SH3BGRL2: variants seen among roughly 807,000 people sequenced by gnomAD.
SH3BGRL2 encodes the protein SH3 domain binding glutamate rich protein like 2, also known as SH3 domain-binding glutamic acid-rich-like protein 2.
In SH3BGRL2, 21 loss-of-function variants were observed where a neutral mutation model predicts 14.8. That is an observed-to-expected ratio of 1.42 (90% CI 1.01 to 2.05). The LOEUF (loss-of-function observed/expected upper bound fraction) is 2.05. Ranked by LOEUF, SH3BGRL2 falls within the 30% of genes most tolerant of loss-of-function variation. SH3BGRL2 has a pLI of 0.00. For missense variants in SH3BGRL2, 147 were observed against 130.8 expected (o/e 1.12, Z -0.61); for synonymous variants, 50 against 47.8 (o/e 1.05, Z -0.19).
the SH3BGRL2 span, among the ~76,000 whole-genome samples, chr6:79,621,582 C>G: frequency 6.6e-6 from 1 of 152,160 alleles, no homozygotes; most frequent in African/African-American, 2.4e-5. Flanking sequence ...CCAAGCTGAC[C>G]AAAACAGATG....
the SH3BGRL2 span, among the ~76,000 whole-genome samples, chr6:79,566,331 T>C: frequency 6.6e-6 from 1 of 152,184 alleles, no homozygotes; most frequent in South Asian, 2.1e-4. Flanking sequence ...CCTCAAGTTA[T>C]ACTCAAACAT....
At chr6:79,664,574 A>T (rs1391406222) in intron 1 of SH3BGRL2, among the ~76,000 whole-genome samples, 1 of 152,082 alleles carries the variant, frequency 6.6e-6, no homozygotes, top group Admixed American at 6.5e-5. Flanking sequence ...TGTCACTGTC[A>T]CTGTGTTCAG....
the SH3BGRL2 span, among the ~76,000 whole-genome samples, chr6:79,584,589 A>T: frequency 1.3e-5 from 2 of 152,118 alleles, no homozygotes; most frequent in Non-Finnish European, 2.9e-5. Flanking sequence ...GAGGAGAAAG[A>T]TGTGTAGGTC....
the SH3BGRL2 span, among the ~76,000 whole-genome samples, chr6:79,622,286 C>T: frequency 3.3e-5 from 5 of 152,278 alleles, no homozygotes; most frequent in East Asian, 9.7e-4. Context: ...CAGCACCTCC[C>T]CTCCACAACC....
At chr6:79,670,085 GTGAATGGGTGTTGC>G (rs2127732215) in intron 1 of SH3BGRL2, among the ~76,000 whole-genome samples, 1 of 152,366 alleles carries the variant, frequency 6.6e-6, no homozygotes, top group Admixed American at 6.5e-5. Context: ...CAATATGTGA[GTGAATGGGTGTTGC>G]TGTGTTCCCA....
chr6:79,565,001 G>T, the SH3BGRL2 span, among the ~76,000 whole-genome samples: 1 of 152,108 alleles, frequency 6.6e-6, no homozygotes, highest in African/African-American at 2.4e-5. Context: ...CGGAAGAAAT[G>T]GATTTTCAAC....
chr6:79,674,098 G>GTATA (rs956559985), intron 2 of SH3BGRL2, among the ~76,000 whole-genome samples: 2 of 151,976 alleles, frequency 1.3e-5, no homozygotes, highest in African/African-American at 2.4e-5. Flanking sequence ...ATGTGTGTAT[G>GTATA]TATGTATGTA....
chr6:79,637,280 A>T (rs1768943843), intron 1 of SH3BGRL2, among the ~76,000 whole-genome samples: 1 of 152,178 alleles, frequency 6.6e-6, no homozygotes, highest in South Asian at 2.1e-4. Context: ...ATAATCAAGG[A>T]TATGAACTCC....
chr6:79,599,418 C>CTGGA, the SH3BGRL2 span, among the ~76,000 whole-genome samples: 1 of 148,102 alleles, frequency 6.8e-6, no homozygotes, highest in African/African-American at 2.5e-5. Flanking sequence ...GTCACCCAGG[C>CTGGA]TGGAGTGCAA....
chr6:79,584,859 T>C, the SH3BGRL2 span, among the ~76,000 whole-genome samples: 1 of 152,200 alleles, frequency 6.6e-6, no homozygotes, highest in South Asian at 2.1e-4. Flanking sequence ...TAAATGCATG[T>C]ATCTTTTGAC....
chr6:79,595,903 A>C, the SH3BGRL2 span, among the ~76,000 whole-genome samples: 2 of 152,240 alleles, frequency 1.3e-5, no homozygotes, highest in Non-Finnish European at 2.9e-5. Context: ...AAGATGACAT[A>C]ATCTTGTATT....
chr6:79,547,189 C>G, the SH3BGRL2 span, among the ~76,000 whole-genome samples: 18 of 152,044 alleles, frequency 1.2e-4, no homozygotes, highest in Admixed American at 1.0e-3. Context: ...ACCAGACTGT[C>G]CACAGTCTGG....
the SH3BGRL2 span, among the ~76,000 whole-genome samples, chr6:79,547,796 G>A: frequency 2.6e-5 from 4 of 152,126 alleles, no homozygotes; most frequent in East Asian, 3.8e-4. Flanking sequence ...AAAAAAAAAT[G>A]TAATTTTTGT....
the SH3BGRL2 span, among the ~76,000 whole-genome samples, chr6:79,615,725 C>T: frequency 6.6e-6 from 1 of 151,824 alleles, no homozygotes; most frequent in Non-Finnish European, 1.5e-5. Flanking sequence ...AAACTATACC[C>T]ATCTAAATGC....
At chr6:79,554,256 A>G in the SH3BGRL2 span, among the ~76,000 whole-genome samples, 1 of 152,152 alleles carries the variant, frequency 6.6e-6, no homozygotes, top group African/African-American at 2.4e-5. Context: ...TATCATTATG[A>G]TGGTTATCTA....
intron 2 of SH3BGRL2, among the ~76,000 whole-genome samples, chr6:79,676,820 T>C (rs941907952): frequency 6.6e-6 from 1 of 152,154 alleles, no homozygotes; most frequent in Non-Finnish European, 1.5e-5. Context: ...TTACTCCTTA[T>C]TTTTATCTCT....
the SH3BGRL2 span, among the ~76,000 whole-genome samples, chr6:79,590,463 ATG>A: frequency 7.5e-6 from 1 of 134,076 alleles, no homozygotes; most frequent in Non-Finnish European, 1.6e-5. Context: ...ATATATATAT[ATG>A]CGCCATGGAA....
At chr6:79,665,505 T>A (rs1769639470) in intron 1 of SH3BGRL2, among the ~76,000 whole-genome samples, 1 of 152,076 alleles carries the variant, frequency 6.6e-6, no homozygotes, top group Non-Finnish European at 1.5e-5. Context: ...TTTTTAAAAT[T>A]AAAAAATTTC....
the SH3BGRL2 span, among the ~76,000 whole-genome samples, chr6:79,559,678 CAATGACA>C: frequency 1.3e-5 from 2 of 152,150 alleles, no homozygotes; most frequent in Admixed American, 1.3e-4. Flanking sequence ...GGCGTTACAT[CAATGACA>C]AATGTACTGA....
Sources: gnomAD v4.1 joint callset for allele counts (sites outside exome capture counted in the v4.1 genomes callset) on GRCh38, gnomAD v4.1.1 for gene constraint, MANE v1.5 for transcripts, NCBI Gene and HGNC (gene_info 2026-07-23, HGNC 2026-07-21) for gene names.